The following CRISPLD2 variants were observed in gnomAD, a reference collection of about 807,000 sequenced individuals.
The protein encoded by CRISPLD2 is cysteine-rich secretory protein LCCL domain-containing 2.
Under a neutral mutation model 71.1 loss-of-function variants are expected in CRISPLD2, and 47 were observed. The ratio of observed to expected loss-of-function variants is 0.66; its 90% CI spans 0.52 to 0.84. The LOEUF (loss-of-function observed/expected upper bound fraction) is 0.84, where lower values mean the gene tolerates loss of function less well. Among genes scored for constraint, CRISPLD2 ranks in the 40% least tolerant of loss-of-function variants. The pLI is 0.00. For missense variants in CRISPLD2, 830 were observed against 651.1 expected, an observed-to-expected ratio of 1.27 and a Z score of -2.99; for synonymous variants, 317 against 250.1, an observed-to-expected ratio of 1.27 and a Z score of -2.52.
At chr16:84,849,594 C>G (rs1338458091) in intron 4 of CRISPLD2, 77 bp downstream of exon 4, 3 of 826,640 alleles carry the variant, frequency 3.6e-6, no homozygotes, top group Non-Finnish European at 5.7e-6. Context: ...GGGGGATTGT[C>G]AAATCTGTAA....
intron 13 of CRISPLD2, among the ~76,000 whole-genome samples, chr16:84,882,944 C>T (rs953797447): frequency 6.6e-6 from 1 of 152,172 alleles, no homozygotes; most frequent in Non-Finnish European, 1.5e-5. Flanking sequence ...TTCATAGCTA[C>T]ACTGATATGA....
At chr16:84,874,337 G>C (rs2071500539) in intron 11 of CRISPLD2, among the ~76,000 whole-genome samples, 1 of 152,252 alleles carries the variant, frequency 6.6e-6, no homozygotes, top group South Asian at 2.1e-4. Flanking sequence ...GGGCTTAGTG[G>C]AAAACAGAGC....
rs776757479 is a variant in CRISPLD2, at chr16:84,838,741, C to T, written c.240+6C>T. 8.1e-6 allele frequency: 13 copies of T among 1,610,054 alleles called. No homozygotes were observed. The highest frequency in any genetic ancestry group is 1.7e-5 in the Admixed American group (1 of 59,782). ...CCTCCAACATGGAGTACATGGTGAG[C>T]GCCGGCTCCGGCCGCAGAGGCTGGC... On this transcript the variant is annotated splice_donor_region_variant and intron_variant, in intron 2 of 14. Coordinates refer to ENST00000262424, the MANE Select transcript of CRISPLD2 (RefSeq NM_031476.4).
chr16:84,825,333 C>T (rs180882690), intron 1 of CRISPLD2, among the ~76,000 whole-genome samples: 2 of 152,052 alleles, frequency 1.3e-5, no homozygotes, highest in Non-Finnish European at 2.9e-5. Context: ...GAGGTCTAGG[C>T]GGGAGGATTG....
intron 6 of CRISPLD2, among the ~76,000 whole-genome samples, chr16:84,863,389 A>C (rs1236254459): frequency 1.3e-5 from 2 of 152,258 alleles, no homozygotes; most frequent in African/African-American, 4.8e-5. Flanking sequence ...GCTTATCTGC[A>C]GAAGCTATTT....
At chr16:84,827,558 CTTTTTT>C (rs571068599) in intron 1 of CRISPLD2, among the ~76,000 whole-genome samples, 8 of 135,908 alleles carry the variant, frequency 5.9e-5, no homozygotes, top group African/African-American at 1.9e-4. Context: ...AGTGCCCTTT[CTTTTTT>C]TTTTTTTTTT....
At chr16:84,876,501 C>CAA (rs1034761293) in intron 11 of CRISPLD2, among the ~76,000 whole-genome samples, 1 of 130,748 alleles carries the variant, frequency 7.6e-6, no homozygotes, top group Non-Finnish European at 1.6e-5. Context: ...GACTCCGTCT[C>CAA]AAAAAAAAAA....
chr16:84,850,080 CTGTT>C (rs577016110), intron 4 of CRISPLD2, among the ~76,000 whole-genome samples: 164 of 137,518 alleles, frequency 1.2e-3, no homozygotes, highest in African/African-American at 4.0e-3. Context: ...GTGTGGGAGT[CTGTT>C]TGTTTGCTTG....
chr16:84,849,548 C>G lies in CRISPLD2; in HGVS notation c.492+31C>G, dbSNP rs373081281. The G allele has an allele frequency of 5.6e-6, 9 of 1,606,828 alleles. No individual in the cohort carries two copies. In the African/African-American group the frequency reaches 9.4e-5, roughly 17 times the overall value. ...TCGGGGACTTGCCACGACCTCAGCC[C>G]TGCCCCCCAATCCCAGTCATTCACC... On this transcript the variant is annotated intron_variant, in intron 4 of 14. Coordinates refer to ENST00000262424, the MANE Select transcript of CRISPLD2 (RefSeq NM_031476.4).
At chr16:84,831,917 T>G (rs1916498441) in intron 1 of CRISPLD2, among the ~76,000 whole-genome samples, 2 of 152,154 alleles carry the variant, frequency 1.3e-5, no homozygotes, top group African/African-American at 4.8e-5. Flanking sequence ...GTACTTTTAG[T>G]AAAGATGGGG....
intron 1 of CRISPLD2, among the ~76,000 whole-genome samples, chr16:84,825,262 T>G (rs926617882): frequency 6.7e-6 from 1 of 148,786 alleles, no homozygotes; most frequent in African/African-American, 2.5e-5. Context: ...GAGAAGTGCT[T>G]CTCAGAGTGG....
At chr16:84,854,311 GA>G (rs1410410526) in intron 5 of CRISPLD2, among the ~76,000 whole-genome samples, 1 of 152,222 alleles carries the variant, frequency 6.6e-6, no homozygotes, top group Non-Finnish European at 1.5e-5. Context: ...TAAAAACTGG[GA>G]AACGCAAGCC....
At chr16:84,904,038 G>T (rs1381843694) in intron 14 of CRISPLD2, among the ~76,000 whole-genome samples, 1 of 152,204 alleles carries the variant, frequency 6.6e-6, no homozygotes, top group Non-Finnish European at 1.5e-5. Flanking sequence ...TGGTGGCCAA[G>T]ACACAGGAAG....
chr16:84,825,929 C>G (rs1397908016), intron 1 of CRISPLD2, among the ~76,000 whole-genome samples: 1 of 151,942 alleles, frequency 6.6e-6, no homozygotes, highest in African/African-American at 2.4e-5. Flanking sequence ...GGCACTCCAA[C>G]CTGAACAACA....
intron 14 of CRISPLD2, among the ~76,000 whole-genome samples, chr16:84,890,429 C>G (rs1237773854): frequency 6.6e-6 from 1 of 152,102 alleles, no homozygotes; most frequent in Non-Finnish European, 1.5e-5. Flanking sequence ...CGTATTTCCA[C>G]TCGAGACCAT....
At chr16:84,896,826 A>G (rs2071710510) in intron 14 of CRISPLD2, among the ~76,000 whole-genome samples, 1 of 152,212 alleles carries the variant, frequency 6.6e-6, no homozygotes, top group Non-Finnish European at 1.5e-5. Context: ...TTAAAAATAA[A>G]TTACACTTTT....
chr16:84,826,087 C>G (rs1321102262), intron 1 of CRISPLD2, among the ~76,000 whole-genome samples: 1 of 152,202 alleles, frequency 6.6e-6, no homozygotes, highest in Non-Finnish European at 1.5e-5. Context: ...ACAAAGCATC[C>G]TGTTATCCTA....
intron 14 of CRISPLD2, among the ~76,000 whole-genome samples, chr16:84,905,707 C>CTT (rs36068463): frequency 5.2e-5 from 6 of 116,112 alleles, no homozygotes; most frequent in East Asian, 2.6e-4. Flanking sequence ...CAATAAAGCT[C>CTT]TTTTTTTTTT....
intron 1 of CRISPLD2, among the ~76,000 whole-genome samples, chr16:84,830,232 G>A (rs1916455276): frequency 6.6e-6 from 1 of 152,138 alleles, no homozygotes; most frequent in South Asian, 2.1e-4. Context: ...TGAGGTGGGA[G>A]GATCATTTGA....
Sources: gnomAD v4.1 joint callset for allele counts (sites outside exome capture counted in the v4.1 genomes callset) on GRCh38, gnomAD v4.1.1 for gene constraint, MANE v1.5 for transcripts, NCBI Gene and HGNC (gene_info 2026-07-23, HGNC 2026-07-21) for gene names.